Variants in STK31 observed in about 807,000 individuals in gnomAD.
STK31 encodes the protein serine/threonine kinase 31.
A neutral mutation model predicts 129.7 loss-of-function variants in STK31; 89 were observed. The ratio of observed to expected loss-of-function variants is 0.69; its 90% confidence interval spans 0.58 to 0.82. STK31 has a LOEUF of 0.82. Among genes scored for constraint, STK31 ranks in the 40% least tolerant of loss-of-function variants. STK31 has a pLI of 0.00. For synonymous variants in STK31, 448 were observed against 395.3 expected, an observed-to-expected ratio of 1.13 and a Z score of -1.58; for missense variants, 1,187 against 1,176.4, an observed-to-expected ratio of 1.01 and a Z score of -0.13.
intron 6 of STK31, among the ~76,000 whole-genome samples, chr7:23,732,749 G>A (rs2112035): frequency 0.32 from 48,922 of 151,938 alleles, 8,042 homozygotes; most frequent in East Asian, 0.39. Context: ...TTGAATTCAC[G>A]TATTGCCCAA....
chr7:23,741,953 T>G (rs1045327171), intron 8 of STK31, among the ~76,000 whole-genome samples: 1 of 152,196 alleles, frequency 6.6e-6, no homozygotes, highest in Non-Finnish European at 1.5e-5. Flanking sequence ...CAAGTGACAC[T>G]TTTGGCCTGT....
intron 23 of STK31, among the ~76,000 whole-genome samples, chr7:23,824,268 C>T (rs201145614): frequency 2.6e-5 from 4 of 152,062 alleles, no homozygotes; most frequent in Non-Finnish European, 4.4e-5. Flanking sequence ...TCCTCTTTTA[C>T]TTCATTGAGC....
At chr7:23,777,290 G>A (rs569779853) in intron 15 of STK31, among the ~76,000 whole-genome samples, 23 of 152,318 alleles carry the variant, frequency 1.5e-4, no homozygotes, top group African/African-American at 5.5e-4. Context: ...TGAAAAGAAT[G>A]TATATTCTGT....
intron 4 of STK31, among the ~76,000 whole-genome samples, chr7:23,719,629 C>T (rs1786563791): frequency 6.6e-6 from 1 of 152,086 alleles, no homozygotes; most frequent in Non-Finnish European, 1.5e-5. Context: ...TTTCAGTAAT[C>T]ATCTAAGAAT....
chr7:23,792,719 C>G lies in STK31; in HGVS notation c.2760+1773C>G, dbSNP rs150010521. Among the ~76,000 whole-genome samples, 18 of 152,170 alleles carry G rather than the reference C, an allele frequency of 1.2e-4. No individual in the cohort carries two copies. In the East Asian group the frequency reaches 3.1e-3, roughly 26 times the overall value. On this transcript the variant is annotated intron_variant, in intron 22 of 23. Transcript: ENST00000355870. ...ACCTGATTTTATGACTTAATAGATT[C>G]TAGGAAATTAAGACAATGTAGGCCT...
At chr7:23,767,767 G>A (rs1022378521) in intron 11 of STK31, among the ~76,000 whole-genome samples, 2 of 152,062 alleles carry the variant, frequency 1.3e-5, no homozygotes, top group African/African-American at 4.8e-5. Context: ...TATGAAAAAA[G>A]TTTTCTTTTC....
chr7:23,710,105 T>A (rs1382302821), upstream of STK31: 16 of 1,043,608 alleles, frequency 1.5e-5, no homozygotes, highest in South Asian at 1.2e-4. Flanking sequence ...GCAGCCAGCG[T>A]CAGGCGGCTC....
At position 23,802,440 on chromosome 7, in the gene STK31, G is replaced by C. The variant is rs113065098; in HGVS notation, c.2760+11494G>C. On this transcript the variant is annotated intron_variant, in intron 22 of 23. Coordinates refer to ENST00000355870, the MANE Select transcript of STK31 (RefSeq NM_031414.5). ...GCTTCACTGTGGTGCCTAGATAAGG[G>C]CTTAGAAATGTAAAGAGGCTTGGGG... 6.2e-3 allele frequency among the ~76,000 whole-genome samples: 949 copies of C among 152,292 alleles called. 7 individuals carry two copies. The highest frequency in any genetic ancestry group is 8.2e-3 in the Non-Finnish European group (556 of 68,018).
At chr7:23,721,426 T>G in intron 4 of STK31, 2 of 1,120,456 alleles carry the variant, frequency 1.8e-6, no homozygotes, top group Admixed American at 4.0e-5. Flanking sequence ...CACTGTGATC[T>G]TTTTCTTCCT....
chr7:23,718,016 T>C (rs1786455200), intron 4 of STK31, among the ~76,000 whole-genome samples: 1 of 152,164 alleles, frequency 6.6e-6, no homozygotes, highest in South Asian at 2.1e-4. Context: ...GGATGATGAA[T>C]GGTGGCGAAG....
intron 22 of STK31, among the ~76,000 whole-genome samples, chr7:23,802,069 A>T (rs897429406): frequency 2.0e-5 from 3 of 152,084 alleles, no homozygotes; most frequent in Non-Finnish European, 4.4e-5. Context: ...TGAGACGTGT[A>T]AGGTCAGCCG....
chr7:23,738,571 C>A (rs1787858823), intron 8 of STK31, among the ~76,000 whole-genome samples: 1 of 147,038 alleles, frequency 6.8e-6, no homozygotes, highest in South Asian at 2.2e-4. Flanking sequence ...GTTTTCTTTT[C>A]TTTTTTTTTT....
At chr7:23,797,674 C>T (rs935512035) in intron 22 of STK31, among the ~76,000 whole-genome samples, 22 of 152,024 alleles carry the variant, frequency 1.4e-4, no homozygotes, top group Non-Finnish European at 2.9e-4. Flanking sequence ...GATCTAAAAT[C>T]GACACCCTAA....
At chr7:23,774,027 T>C (rs1790373258) in intron 15 of STK31, among the ~76,000 whole-genome samples, 1 of 151,576 alleles carries the variant, frequency 6.6e-6, no homozygotes, top group Non-Finnish European at 1.5e-5. Flanking sequence ...TGAGAACATG[T>C]GGTGTTTGGT....
At chr7:23,819,314 A>C (rs1475255521) in intron 23 of STK31, among the ~76,000 whole-genome samples, 3 of 152,212 alleles carry the variant, frequency 2.0e-5, no homozygotes, top group Non-Finnish European at 2.9e-5. Context: ...ATATTCAGAT[A>C]CTGTTTTTTG....
At chr7:23,764,180 A>C (rs1028015834) in intron 11 of STK31, among the ~76,000 whole-genome samples, 4 of 152,238 alleles carry the variant, frequency 2.6e-5, no homozygotes, top group Non-Finnish European at 5.9e-5. Flanking sequence ...TTGCATATAA[A>C]AGGGCAGTAA....
At chr7:23,744,621 G>T (rs1377344516) in intron 8 of STK31, among the ~76,000 whole-genome samples, 3 of 152,150 alleles carry the variant, frequency 2.0e-5, no homozygotes, top group African/African-American at 7.2e-5. Flanking sequence ...TCCTGAAGAT[G>T]TACCCATGGT....
rs769846275 is a variant in STK31, at chr7:23,769,664, T to C, written c.1621T>C (p.Ser541Pro). Residue 541 changes from serine (S) to proline (P), a missense_variant, in exon 13 of 24, where the codon TCA becomes CCA. Around this residue, in one of 5 missense-constraint regions of STK31, gnomAD observed 975 missense variants for 934.9 expected, o/e 1.04. Transcript: ENST00000355870. ...GGTTTTTGACCTATCTGTGGAAGGA[T>C]CACTGATTTCAGAAGACGCAATGGA... Reference protein sequence around the residue: ...LKVFDLSVEGSLISEDAMDNI... With the variant: ...LKVFDLSVEGPLISEDAMDNI... 13 of 1,611,084 alleles carry C rather than the reference T, an allele frequency of 8.1e-6. No individual in the cohort carries two copies. In the Admixed American group the frequency reaches 1.7e-4, roughly 21 times the overall value.
intron 22 of STK31, 107 bp from the exon 23 acceptor site, chr7:23,815,037 A>T: frequency 1.4e-6 from 1 of 733,090 alleles, no homozygotes. Flanking sequence ...GCTTTCTTTA[A>T]GTAAGCTCTT....
Sources: gnomAD v4.1 joint callset for allele counts (sites outside exome capture counted in the v4.1 genomes callset) on GRCh38, gnomAD v4.1.1 for gene constraint, gnomAD v4.1.1 regional missense constraint, MANE v1.5 for transcripts, NCBI Gene and HGNC (gene_info 2026-07-23, HGNC 2026-07-21) for gene names.